FAR2: variants seen among roughly 807,000 people sequenced by gnomAD.
FAR2 encodes fatty acyl-CoA reductase 2.
In FAR2, 19 loss-of-function variants were observed where a neutral mutation model predicts 56.0. That is an observed-to-expected ratio of 0.34 (90% confidence interval 0.24 to 0.50). FAR2 has a LOEUF of 0.50. Among genes scored for constraint, FAR2 ranks in the 20% least tolerant of loss-of-function variants. FAR2 has a pLI of 0.98. For synonymous variants in FAR2, 219 were observed against 218.8 expected, an observed-to-expected ratio of 1.00 and a Z score of -0.01; for missense variants, 508 against 642.2, an observed-to-expected ratio of 0.79 and a Z score of 2.26.
intron 1 of FAR2, among the ~76,000 whole-genome samples, chr12:29,264,148 G>A (rs2113536): frequency 0.99 from 151,441 of 152,314 alleles, 75,293 homozygotes; most frequent in East Asian, 1. Context: ...TTTATCCAAG[G>A]GAGGCAAGGA....
chr12:29,167,875 A>G (rs1591827052), intron 1 of FAR2, among the ~76,000 whole-genome samples: 1 of 152,360 alleles, frequency 6.6e-6, no homozygotes, highest in East Asian at 1.9e-4. Flanking sequence ...GTATCAAAGC[A>G]TTAACTATTA....
At chr12:29,297,332 C>A in intron 4 of FAR2, 132 bp downstream of exon 4, 1 of 770,860 alleles carries the variant, frequency 1.3e-6, no homozygotes, top group Non-Finnish European at 2.1e-6. Flanking sequence ...ACGGTGCTAG[C>A]CTTAGCTACC....
At position 29,297,045 on chromosome 12, in the gene FAR2, T is replaced by C. The variant is rs150191457; in HGVS notation, c.390T>C (p.Thr130=). ...TLRHAVQLNV[T]ATRQLLLMAS... is the part of the protein sequence containing the mutation. ...GACATGCTGTGCAACTTAACGTCACTGCCACCCGGCAGCTCTTGCTTATGG... is the reference window on the plus strand; with the variant it reads ...GACATGCTGTGCAACTTAACGTCACCGCCACCCGGCAGCTCTTGCTTATGG... Residue 130 remains threonine, a synonymous_variant, in exon 4 of 12, where the codon ACT becomes ACC. Transcript: ENST00000536681. 4.3e-5 allele frequency: 70 copies of C among 1,609,276 alleles called. No homozygotes were observed. The highest frequency in any genetic ancestry group is 5.3e-5 in the Non-Finnish European group (62 of 1,178,484).
At chr12:29,276,546 A>AT (rs1441309665) in intron 2 of FAR2, among the ~76,000 whole-genome samples, 3 of 152,198 alleles carry the variant, frequency 2.0e-5, no homozygotes, top group African/African-American at 7.2e-5. Context: ...ATGGAAAAAA[A>AT]TATGTGCTTG....
At chr12:29,272,167 C>G (rs572148963) in intron 2 of FAR2, among the ~76,000 whole-genome samples, 1 of 152,286 alleles carries the variant, frequency 6.6e-6, no homozygotes, top group East Asian at 1.9e-4. Flanking sequence ...CCTGAATTTG[C>G]GTGTTGGCCT....
chr12:29,292,762 C>A (rs1418261017), intron 2 of FAR2, among the ~76,000 whole-genome samples: 1 of 152,078 alleles, frequency 6.6e-6, no homozygotes, highest in Admixed American at 6.6e-5. Context: ...TTCTGTCTAC[C>A]ATTTTTCTGC....
chr12:29,311,073 G>A lies in FAR2; in HGVS notation c.814G>A (p.Val272Met). 1.2e-6 allele frequency: 2 copies of A among 1,613,676 alleles called. No homozygotes were observed. Among genetic ancestry groups the A allele is most frequent in the Non-Finnish European group, 1.7e-6 (2 of 1,179,660 alleles). Residue 272 changes from valine (V) to methionine (M), a missense_variant, in exon 7 of 12, where the codon GTG (valine) becomes ATG (methionine). Coordinates refer to ENST00000536681, the MANE Select transcript of FAR2 (RefSeq NM_001271783.2). ...GGCCATAAAAGCTACTCCAATGGCT[G>A]TGGCAGACGTAATTCCAGTTGATAC... ...LRAIKATPMAVADVIPVDTVV... is the reference protein window; with the variant it reads ...LRAIKATPMAMADVIPVDTVV...
intron 2 of FAR2, among the ~76,000 whole-genome samples, chr12:29,286,662 T>A (rs1948880889): frequency 6.6e-6 from 1 of 152,200 alleles, no homozygotes; most frequent in Non-Finnish European, 1.5e-5. Flanking sequence ...AACCAGATGA[T>A]GAATCAAGCA....
At chr12:29,333,367 C>T (rs911306993) in intron 11 of FAR2, 2 of 380,882 alleles carry the variant, frequency 5.3e-6, no homozygotes, top group South Asian at 9.9e-5. Flanking sequence ...AGTATATTTA[C>T]AAGATTATGC....
intron 1 of FAR2, among the ~76,000 whole-genome samples, chr12:29,269,735 C>G (rs534116902): frequency 1.1e-4 from 17 of 152,324 alleles, no homozygotes; most frequent in Admixed American, 9.8e-4. Context: ...GCCGGTCCCT[C>G]TGTTTAAGGT....
intron 2 of FAR2, chr12:29,280,435 T>C (rs552037418): frequency 1.3e-5 from 2 of 152,368 alleles, no homozygotes; most frequent in Admixed American, 1.3e-4. Context: ...AACATTTAAT[T>C]TGAAAAAAAC....
chr12:29,309,318 C>A, intron 6 of FAR2, 88 bp downstream of exon 6: 1 of 934,480 alleles, frequency 1.1e-6, no homozygotes, highest in Non-Finnish European at 1.7e-6. Context: ...TTCATTGATC[C>A]AAAAACATAA....
chr12:29,234,465 A>G (rs913970406), intron 1 of FAR2, among the ~76,000 whole-genome samples: 1 of 151,754 alleles, frequency 6.6e-6, no homozygotes, highest in Admixed American at 6.6e-5. Context: ...CCCTTCTTTC[A>G]CCCTTTTCAC....
chr12:29,246,767 G>A (rs558260042), intron 1 of FAR2, among the ~76,000 whole-genome samples: 2 of 152,144 alleles, frequency 1.3e-5, no homozygotes, highest in African/African-American at 4.8e-5. Flanking sequence ...AGATCTGTGA[G>A]TACCTTCTCT....
chr12:29,236,585 A>G (rs1209091569), intron 1 of FAR2, among the ~76,000 whole-genome samples: 1 of 152,092 alleles, frequency 6.6e-6, no homozygotes, highest in African/African-American at 2.4e-5. Flanking sequence ...AGGAAAAACT[A>G]CTATTTATAA....
intron 1 of FAR2, among the ~76,000 whole-genome samples, chr12:29,190,367 A>G (rs1380042396): frequency 2.6e-5 from 4 of 151,544 alleles, no homozygotes; most frequent in Non-Finnish European, 5.9e-5. Flanking sequence ...AAGACACTTC[A>G]GCATTTAGAG....
chr12:29,257,709 G>A (rs1373273451), intron 1 of FAR2, among the ~76,000 whole-genome samples: 1 of 152,052 alleles, frequency 6.6e-6, no homozygotes, highest in Non-Finnish European at 1.5e-5. Context: ...AAGGTCTGCA[G>A]CTTCACTCCT....
chr12:29,223,027 G>A (rs923891694), intron 1 of FAR2, among the ~76,000 whole-genome samples: 1 of 152,118 alleles, frequency 6.6e-6, no homozygotes. Flanking sequence ...TTTATATTGT[G>A]CTTAGTATTT....
chr12:29,311,694 A>ACAC (rs397953251), intron 7 of FAR2, among the ~76,000 whole-genome samples, 189 bp from the exon 8 acceptor site: 2 of 150,704 alleles, frequency 1.3e-5, no homozygotes, highest in Non-Finnish European at 3.0e-5. Flanking sequence ...ACACACACAC[A>ACAC]TGCTTTTCCT....
Sources: gnomAD v4.1 joint callset for allele counts (sites outside exome capture counted in the v4.1 genomes callset) on GRCh38, gnomAD v4.1.1 for gene constraint, MANE v1.5 for transcripts, NCBI Gene and HGNC (gene_info 2026-07-23, HGNC 2026-07-21) for gene names.